Variants in NEMP2 observed in about 807,000 individuals in gnomAD.
The protein encoded by NEMP2 is nuclear envelope integral membrane protein 2, also known as UPF0571 transmembrane protein.
A neutral mutation model predicts 54.2 loss-of-function variants in NEMP2; 53 were observed. The observed-to-expected ratio is 0.98, with a 90% CI of 0.78 to 1.23. The LOEUF (loss-of-function observed/expected upper bound fraction) is 1.23. Ranked by LOEUF, NEMP2 falls within the 50% of genes most tolerant of loss-of-function variation. The pLI is 0.00. For synonymous variants in NEMP2, 197 were observed against 190.3 expected (o/e 1.04, Z -0.29); for missense variants, 455 against 511.3 (o/e 0.89, Z 1.06).
rs185429802 is a variant in NEMP2, at chr2:190,506,633, A to C, written c.*2556T>G. On this transcript the variant is annotated 3_prime_UTR_variant, in exon 9 of 9. Coordinates refer to ENST00000409150, the MANE Select transcript of NEMP2 (RefSeq NM_001142645.2). The surrounding 1 kb of genome is among the most constrained non-coding windows in gnomAD (Gnocchi z 6.3). ...GGTATTACTGGCAAACCATACAACT[A>C]ATTCACAAAGCATTTTTTGTGATAT... 1.3e-5 allele frequency: 2 copies of C among 152,344 alleles called. No individual in the cohort carries two copies. The highest frequency in any genetic ancestry group is 2.9e-5 in the Non-Finnish European group (2 of 68,030). 9.4% of individuals were successfully genotyped at this position (152,344 alleles called of 1,614,324 possible).
Position 190,514,434 on chromosome 2 carries a change from G to C in NEMP2, c.953+19C>G, listed in dbSNP as rs1305899439. ...AGCTCAAAATGTCAAATTTGCTGGG[G>C]GAAAAAAATGATACATACCACCTCA... is the stretch of plus-strand genomic sequence containing the variant. On this transcript the variant is annotated intron_variant, in intron 7 of 8. Transcript: ENST00000409150. The surrounding 1 kb of genome is among the most constrained non-coding windows in gnomAD (Gnocchi z 5.7). 7 of 1,543,670 alleles carry C rather than the reference G, an allele frequency of 4.5e-6. No individual in the cohort carries two copies. The highest frequency in any genetic ancestry group is 1.2e-5 in the South Asian group (1 of 83,582).
At chr2:190,567,213 G>A in the NEMP2 span, among the ~76,000 whole-genome samples, 1 of 152,062 alleles carries the variant, frequency 6.6e-6, no homozygotes, top group Non-Finnish European at 1.5e-5. The surrounding 1 kb of genome is among the most constrained non-coding windows in gnomAD (Gnocchi z 4.0). Flanking sequence ...AGTAGTAGGA[G>A]TAGGAGATAA....
At chr2:190,626,967 T>C in the NEMP2 span, 1 of 152,218 alleles carries the variant, frequency 6.6e-6, no homozygotes, top group Non-Finnish European at 1.5e-5. The surrounding 1 kb of genome is among the most constrained non-coding windows in gnomAD (Gnocchi z 4.5). Context: ...TGATTTCCTG[T>C]CTCATTTCCA....
chr2:190,600,530 C>G, the NEMP2 span, among the ~76,000 whole-genome samples: 1 of 152,114 alleles, frequency 6.6e-6, no homozygotes, highest in Non-Finnish European at 1.5e-5. This position sits in a 1 kb window ranked among gnomAD's most constrained non-coding sequence, Gnocchi z 4.9. Context: ...GGGAAGAATG[C>G]CCTCCTTGGG....
chr2:190,473,929 G>C, the NEMP2 span, among the ~76,000 whole-genome samples: 1 of 152,072 alleles, frequency 6.6e-6, no homozygotes, highest in Non-Finnish European at 1.5e-5. Flanking sequence ...AACTGCTCAA[G>C]TACATGGAAA....
At chr2:190,605,983 G>T in the NEMP2 span, among the ~76,000 whole-genome samples, 6 of 152,274 alleles carry the variant, frequency 3.9e-5, no homozygotes, top group South Asian at 1.2e-3. Context: ...ATCTCACACT[G>T]TTTCTGGCAC....
the NEMP2 span, among the ~76,000 whole-genome samples, chr2:190,454,954 G>T: frequency 1.0e-5 from 1 of 97,542 alleles, no homozygotes; most frequent in South Asian, 4.3e-4. This position sits in a 1 kb window ranked among gnomAD's most constrained non-coding sequence, Gnocchi z 4.6. Context: ...ATATGTATAT[G>T]TATATGTATA....
At chr2:190,436,623 A>C in the NEMP2 span, 4 of 1,614,230 alleles carry the variant, frequency 2.5e-6, no homozygotes, top group Non-Finnish European at 2.5e-6. This position sits in a 1 kb window ranked among gnomAD's most constrained non-coding sequence, Gnocchi z 5.3. Context: ...TGCGTGAGAA[A>C]AGAAACCTTT....
the NEMP2 span, chr2:190,626,296 A>T: frequency 6.6e-6 from 1 of 152,242 alleles, no homozygotes; most frequent in African/African-American, 2.4e-5. The surrounding 1 kb of genome is among the most constrained non-coding windows in gnomAD (Gnocchi z 4.5). Context: ...AGTGACATAG[A>T]AGCATTAAAT....
the NEMP2 span, among the ~76,000 whole-genome samples, chr2:190,566,219 CAGAG>C: frequency 6.6e-6 from 1 of 152,192 alleles, no homozygotes; most frequent in Non-Finnish European, 1.5e-5. Context: ...TAGAGAATGT[CAGAG>C]AGCATTCTAT....
chr2:190,514,979 G>A lies in NEMP2; in HGVS notation c.728-301C>T, dbSNP rs925976332. Among the ~76,000 whole-genome samples, 7 of 152,136 alleles carry A rather than the reference G, an allele frequency of 4.6e-5. No individual in the cohort carries two copies. Among genetic ancestry groups the A allele is most frequent in the Admixed American group, 3.9e-4 (6 of 15,282 alleles). On this transcript the variant is annotated intron_variant, in intron 6 of 8. Coordinates refer to ENST00000409150, the MANE Select transcript of NEMP2 (RefSeq NM_001142645.2). The surrounding 1 kb of genome is among the most constrained non-coding windows in gnomAD (Gnocchi z 5.7). ...ATGTTATCATGGTTACTTTGGTCAG[G>A]AAGAAGTCACAGTTGTATGTCACCA...
the NEMP2 span, among the ~76,000 whole-genome samples, chr2:190,637,138 T>C: frequency 6.6e-6 from 1 of 152,238 alleles, no homozygotes; most frequent in Non-Finnish European, 1.5e-5. This position sits in a 1 kb window ranked among gnomAD's most constrained non-coding sequence, Gnocchi z 4.5. Context: ...AGCTTGATTT[T>C]CTTAAAAATA....
chr2:190,534,496 G>T (rs1483775198), intron 1 of NEMP2, 63 bp downstream of exon 1: 1 of 1,331,056 alleles, frequency 7.5e-7, no homozygotes, highest in South Asian at 2.0e-5. Context: ...GCGCCCTCAG[G>T]GCAGCCGCGA....
At chr2:190,453,720 A>C in the NEMP2 span, among the ~76,000 whole-genome samples, 1 of 152,156 alleles carries the variant, frequency 6.6e-6, no homozygotes, top group South Asian at 2.1e-4. Flanking sequence ...TAGACCCTCC[A>C]TTTTCCCTTT....
the NEMP2 span, chr2:190,497,856 C>T: frequency 9.7e-7 from 1 of 1,026,126 alleles, no homozygotes; most frequent in East Asian, 2.6e-5. This position sits in a 1 kb window ranked among gnomAD's most constrained non-coding sequence, Gnocchi z 5.2. Flanking sequence ...CAAACAATTT[C>T]AGTACTCTGT....
At chr2:190,524,803 T>C (rs1323241190) in intron 2 of NEMP2, among the ~76,000 whole-genome samples, 1 of 152,200 alleles carries the variant, frequency 6.6e-6, no homozygotes, top group Non-Finnish European at 1.5e-5. Context: ...TAGAAATAGT[T>C]CCTGGTACTT....
At chr2:190,465,148 C>G in the NEMP2 span, among the ~76,000 whole-genome samples, 5 of 152,018 alleles carry the variant, frequency 3.3e-5, no homozygotes, top group Admixed American at 1.3e-4. This position sits in a 1 kb window ranked among gnomAD's most constrained non-coding sequence, Gnocchi z 4.6. Flanking sequence ...ATTTTTTTCT[C>G]CTACTCTTGT....
chr2:190,442,646 G>A, the NEMP2 span: 1 of 152,192 alleles, frequency 6.6e-6, no homozygotes, highest in Non-Finnish European at 1.5e-5. Context: ...GGATGTGGAA[G>A]TGAGGTAGAG....
chr2:190,607,375 A>G, the NEMP2 span, among the ~76,000 whole-genome samples: 1 of 152,192 alleles, frequency 6.6e-6, no homozygotes, highest in Non-Finnish European at 1.5e-5. The surrounding 1 kb of genome is among the most constrained non-coding windows in gnomAD (Gnocchi z 5.2). Flanking sequence ...CTGCGTTTGC[A>G]TACTGGAATC....
Sources: gnomAD v4.1 joint callset for allele counts (sites outside exome capture counted in the v4.1 genomes callset) on GRCh38, gnomAD v4.1.1 for gene constraint, Gnocchi (gnomAD v3.1) non-coding constraint, MANE v1.5 for transcripts, NCBI Gene and HGNC (gene_info 2026-07-23, HGNC 2026-07-21) for gene names.